The following CNTN4 variants were observed in gnomAD, a reference collection of about 807,000 sequenced individuals.
The protein encoded by CNTN4 is contactin-4.
A neutral mutation model predicts 122.5 loss-of-function variants in CNTN4; 77 were observed. The ratio of observed to expected loss-of-function variants is 0.63; its 90% confidence interval spans 0.52 to 0.76. The LOEUF (loss-of-function observed/expected upper bound fraction) is 0.76. Ranked by LOEUF, CNTN4 falls within the 30% of genes least tolerant of loss-of-function variation. The pLI is 0.00. For synonymous variants in CNTN4, 512 were observed against 447.0 expected (o/e 1.15, Z -1.83); for missense variants, 1,256 against 1,259.1 (o/e 1.00, Z 0.04).
chr3:2,819,994 G>GT (rs2092827631), intron 7 of CNTN4, among the ~76,000 whole-genome samples: 1 of 152,152 alleles, frequency 6.6e-6, no homozygotes, highest in African/African-American at 2.4e-5. Flanking sequence ...AAATGTATGG[G>GT]TTTTTTCCAC....
rs968419872 is a variant in CNTN4, at chr3:2,159,499, A to G, written c.-145+58860A>G. ...TTGCAGGGGTCTCTGAGCATTGGGA[A>G]AGGATACAAAAGGCATCAGAAGTTT... On this transcript the variant is annotated intron_variant, in intron 2 of 24. Transcript: ENST00000418658. 2.6e-5 allele frequency among the ~76,000 whole-genome samples: 4 copies of G among 152,176 alleles called. No individual in the cohort carries two copies. In the East Asian group the frequency reaches 7.7e-4, roughly 29 times the overall value.
intron 2 of CNTN4, among the ~76,000 whole-genome samples, chr3:2,186,564 C>T (rs1314467480): frequency 6.6e-6 from 1 of 152,162 alleles, no homozygotes; most frequent in Non-Finnish European, 1.5e-5. Flanking sequence ...AAAAGTGTTC[C>T]TATTTCTCCA....
chr3:2,284,245 G>A (rs17011778), intron 2 of CNTN4, among the ~76,000 whole-genome samples: 1,716 of 152,114 alleles, frequency 0.011, 33 homozygotes, highest in African/African-American at 0.039. Context: ...TCAGAAATTG[G>A]GGCAAAAGTT....
intron 6 of CNTN4, among the ~76,000 whole-genome samples, chr3:2,767,970 C>A (rs781355037): frequency 1.6e-4 from 24 of 152,166 alleles, no homozygotes; most frequent in Non-Finnish European, 3.1e-4. Context: ...TGTTTGCCAA[C>A]CAAATGGTGA....
At chr3:2,276,903 G>T (rs2041530814) in intron 2 of CNTN4, among the ~76,000 whole-genome samples, 1 of 152,068 alleles carries the variant, frequency 6.6e-6, no homozygotes, top group Non-Finnish European at 1.5e-5. Context: ...GCGAGCTACT[G>T]CACTCCAGCC....
At chr3:2,741,734 G>T (rs531077048) in intron 5 of CNTN4, among the ~76,000 whole-genome samples, 1 of 152,184 alleles carries the variant, frequency 6.6e-6, no homozygotes, top group Non-Finnish European at 1.5e-5. Context: ...GATGTTAGCC[G>T]TAAATGAAAA....
rs888147110 is a variant in CNTN4 at position 3,051,404 on chromosome 3, C to T, written c.2812-2403C>T. Reference sequence around the variant, plus strand: ...AATACTGCAAGACTGATAAGCAGTGCTGATAAAAGTGCTGCTTTTTCCTGG... The same window carrying T: ...AATACTGCAAGACTGATAAGCAGTGTTGATAAAAGTGCTGCTTTTTCCTGG... On this transcript the variant is annotated intron_variant, in intron 23 of 24. Coordinates refer to ENST00000418658, the MANE Select transcript of CNTN4 (RefSeq NM_175607.3). 1.2e-4 allele frequency among the ~76,000 whole-genome samples: 19 copies of T among 152,258 alleles called. No homozygotes were observed. The East Asian group carries it at 3.7e-3, about 29-fold the overall frequency.
chr3:2,790,316 T>C (rs974769274), intron 6 of CNTN4, among the ~76,000 whole-genome samples: 2 of 152,178 alleles, frequency 1.3e-5, no homozygotes, highest in Non-Finnish European at 2.9e-5. Context: ...GAGAAAGGCA[T>C]TGAGCCATAG....
rs187399623 is a variant in CNTN4, at chr3:2,590,291, C to G, written c.55+18733C>G. Among the ~76,000 whole-genome samples the G allele has an allele frequency of 3.9e-5, 6 of 152,320 alleles. No individual in the cohort carries two copies. In the East Asian group the frequency reaches 1.2e-3, roughly 29 times the overall value. ...TTTTGTTTTGAGACAGGGTCTCGCT[C>G]TGTCGCCCAGGCTGGAGTGCAGTGG... On this transcript the variant is annotated intron_variant, in intron 4 of 24. Coordinates refer to ENST00000418658, the MANE Select transcript of CNTN4 (RefSeq NM_175607.3).
At chr3:2,192,916 G>A (rs1450459911) in intron 2 of CNTN4, among the ~76,000 whole-genome samples, 1 of 152,120 alleles carries the variant, frequency 6.6e-6, no homozygotes, top group African/African-American at 2.4e-5. Context: ...TGTGTGTTTT[G>A]CTGTGTGATC....
chr3:2,905,353 G>A (rs2094217828), intron 12 of CNTN4, among the ~76,000 whole-genome samples: 1 of 152,210 alleles, frequency 6.6e-6, no homozygotes, highest in Admixed American at 6.5e-5. Flanking sequence ...TGAGACCAGG[G>A]TGCCAGCATG....
chr3:2,902,339 C>T (rs1233900219), intron 11 of CNTN4, among the ~76,000 whole-genome samples: 2 of 152,214 alleles, frequency 1.3e-5, no homozygotes, highest in East Asian at 3.9e-4. Context: ...AATCACACCA[C>T]TGACAGCAAT....
intron 2 of CNTN4, among the ~76,000 whole-genome samples, chr3:2,323,230 G>A (rs964427735): frequency 1.3e-5 from 2 of 152,054 alleles, no homozygotes; most frequent in African/African-American, 4.8e-5. Context: ...TAGGAAAGCC[G>A]GCTGAGCTAA....
chr3:2,381,172 A>T (rs2046006122), intron 3 of CNTN4, among the ~76,000 whole-genome samples: 2 of 151,550 alleles, frequency 1.3e-5, no homozygotes, highest in Non-Finnish European at 2.9e-5. Flanking sequence ...CACCCGGCTA[A>T]TTTTTTTGTA....
At chr3:2,180,714 A>T (rs894467286) in intron 2 of CNTN4, among the ~76,000 whole-genome samples, 1 of 152,094 alleles carries the variant, frequency 6.6e-6, no homozygotes, top group Admixed American at 6.6e-5. Flanking sequence ...ATTTTAACTG[A>T]AAGTCTGTTG....
At chr3:3,012,938 A>G (rs544185585) in intron 14 of CNTN4, among the ~76,000 whole-genome samples, 13 of 151,902 alleles carry the variant, frequency 8.6e-5, no homozygotes, top group Non-Finnish European at 1.6e-4. Context: ...GTTGCACTCC[A>G]GCCCGGGCAA....
intron 3 of CNTN4, among the ~76,000 whole-genome samples, chr3:2,477,237 G>A (rs1005337012): frequency 6.6e-6 from 1 of 152,152 alleles, no homozygotes; most frequent in African/African-American, 2.4e-5. Flanking sequence ...AGAAAACCTG[G>A]GACAGGATTC....
At chr3:2,832,797 T>C (rs1004776617) in intron 7 of CNTN4, among the ~76,000 whole-genome samples, 1 of 152,238 alleles carries the variant, frequency 6.6e-6, no homozygotes, top group African/African-American at 2.4e-5. Flanking sequence ...CAAATTTAAG[T>C]TTTAAAAATT....
At chr3:2,401,376 C>T (rs2046852911) in intron 3 of CNTN4, among the ~76,000 whole-genome samples, 1 of 152,118 alleles carries the variant, frequency 6.6e-6, no homozygotes, top group Non-Finnish European at 1.5e-5. Context: ...TCAGATCGAT[C>T]TACTCGTCCC....
Sources: gnomAD v4.1 joint callset for allele counts (sites outside exome capture counted in the v4.1 genomes callset) on GRCh38, gnomAD v4.1.1 for gene constraint, MANE v1.5 for transcripts, NCBI Gene and HGNC (gene_info 2026-07-23, HGNC 2026-07-21) for gene names.